The following RBFOX1 variants were observed in gnomAD, a reference collection of about 807,000 sequenced individuals.
RBFOX1 encodes the protein RNA binding fox-1 homolog 1.
Under a neutral mutation model 57.7 loss-of-function variants are expected in RBFOX1, and 8 were observed. The observed-to-expected ratio is 0.14, with a 90% confidence interval of 0.08 to 0.25. RBFOX1 has a LOEUF of 0.25. RBFOX1 is among the 10% of genes least tolerant of loss of function. The pLI is 1.00. For missense variants in RBFOX1, 611 were observed against 548.5 expected (o/e 1.11, Z -1.14); for synonymous variants, 326 against 222.4 (o/e 1.47, Z -4.15).
intron 4 of RBFOX1, among the ~76,000 whole-genome samples, chr16:5,875,517 A>C (rs562812591): frequency 3.9e-5 from 6 of 152,360 alleles, no homozygotes; most frequent in Non-Finnish European, 4.4e-5. Context: ...GGCATACTGT[A>C]GCTTACAGAA....
chr16:6,657,824 T>TTTTTATTTTATTTTA (rs113616956), intron 3 of RBFOX1, among the ~76,000 whole-genome samples: 1 of 151,928 alleles, frequency 6.6e-6, no homozygotes, highest in African/African-American at 2.4e-5. Flanking sequence ...TTTAAAGCTC[T>TTTTTATTTTATTTTA]TTTTATTTTA....
At chr16:7,568,904 A>AAG (rs1487406453) in intron 5 of RBFOX1, among the ~76,000 whole-genome samples, 1 of 151,228 alleles carries the variant, frequency 6.6e-6, no homozygotes, top group East Asian at 1.9e-4. Flanking sequence ...AAAAAAAAAA[A>AAG]AAGAATCACT....
intron 4 of RBFOX1, among the ~76,000 whole-genome samples, chr16:5,997,212 G>T (rs1249515200): frequency 6.6e-6 from 1 of 152,136 alleles, no homozygotes; most frequent in Non-Finnish European, 1.5e-5. Context: ...CATAGCTGTT[G>T]TTGGTCCAGG....
chr16:7,637,214 A>C (rs1410589035), intron 11 of RBFOX1, among the ~76,000 whole-genome samples: 1 of 151,982 alleles, frequency 6.6e-6, no homozygotes, highest in East Asian at 1.9e-4. Context: ...TCCTAAAGTT[A>C]ATAGAAGATT....
At chr16:6,215,049 G>A (rs546546636) in intron 1 of RBFOX1, among the ~76,000 whole-genome samples, 2 of 129,222 alleles carry the variant, frequency 1.5e-5, no homozygotes, top group East Asian at 2.8e-4. Context: ...GGAGAGGGGA[G>A]AAGGAGAGGG....
At chr16:6,011,496 T>G (rs1410504862) in intron 4 of RBFOX1, among the ~76,000 whole-genome samples, 3 of 152,196 alleles carry the variant, frequency 2.0e-5, no homozygotes, top group African/African-American at 7.2e-5. Context: ...ATTTACTTAT[T>G]TTCCTCTGAG....
intron 3 of RBFOX1, among the ~76,000 whole-genome samples, chr16:6,937,702 T>C (rs1417257560): frequency 6.6e-6 from 1 of 151,870 alleles, no homozygotes; most frequent in East Asian, 1.9e-4. Flanking sequence ...GTTAAAAGAG[T>C]TATTATCGAT....
At chr16:6,719,923 T>C (rs2065632445) in intron 3 of RBFOX1, among the ~76,000 whole-genome samples, 1 of 151,626 alleles carries the variant, frequency 6.6e-6, no homozygotes. Context: ...TGAAAACCCA[T>C]CTCTACTAAA....
At chr16:6,200,826 A>C (rs751193677) in intron 1 of RBFOX1, among the ~76,000 whole-genome samples, 1 of 152,084 alleles carries the variant, frequency 6.6e-6, no homozygotes, top group Non-Finnish European at 1.5e-5. Context: ...ACTCAGGAAC[A>C]CATGCTGTGA....
intron 4 of RBFOX1, among the ~76,000 whole-genome samples, chr16:7,168,550 A>G (rs2080042365): frequency 6.6e-6 from 1 of 152,018 alleles, no homozygotes. Context: ...TTGCAGAAAA[A>G]TGGCCACACA....
At chr16:6,035,386 G>A (rs1377534246) in intron 1 of RBFOX1, among the ~76,000 whole-genome samples, 1 of 152,196 alleles carries the variant, frequency 6.6e-6, no homozygotes, top group Non-Finnish European at 1.5e-5. Flanking sequence ...GCCAGTCTAG[G>A]AAGAAACAAG....
At position 7,003,458 on chromosome 16, in the gene RBFOX1, TA is replaced by T. The variant is rs71147633; in HGVS notation, c.-15-48586del. Among the ~76,000 whole-genome samples the T allele has an allele frequency of 8.9e-4, 128 of 143,508 alleles. 1 individual carries two copies. The highest frequency in any genetic ancestry group is 1.7e-3 in the African/African-American group (67 of 38,798). The allele number at this position is 143,508 out of a possible 152,430, so 94.1% of individuals were successfully genotyped here. Reference sequence around the variant, plus strand: ...CTGGTGACAGAGCGAGACTCCATCTTAAAAAAAAAAAAAGAAAAAATTATAA... The same window carrying T: ...CTGGTGACAGAGCGAGACTCCATCTTAAAAAAAAAAAAGAAAAAATTATAA... On this transcript the variant is annotated intron_variant, in intron 3 of 15. Coordinates refer to ENST00000550418, the MANE Select transcript of RBFOX1 (RefSeq NM_018723.4).
chr16:7,451,408 G>A (rs1598740955), intron 4 of RBFOX1, among the ~76,000 whole-genome samples: 1 of 152,182 alleles, frequency 6.6e-6, no homozygotes, highest in Non-Finnish European at 1.5e-5. Flanking sequence ...CAACCTGGCA[G>A]GTTGAGGCAA....
At chr16:6,064,633 C>A (rs112058264) in intron 1 of RBFOX1, among the ~76,000 whole-genome samples, 1 of 151,964 alleles carries the variant, frequency 6.6e-6, no homozygotes, top group Non-Finnish European at 1.5e-5. Flanking sequence ...CTCCGCCTCC[C>A]GGGTTCCAGT....
At chr16:7,567,175 C>CCCTATATATATATATCCATATATATATT in intron 5 of RBFOX1, among the ~76,000 whole-genome samples, 1 of 146,604 alleles carries the variant, frequency 6.8e-6, no homozygotes, top group Middle Eastern at 3.8e-3. Context: ...ATATATATAT[C>CCCTATATATATATATCCATATATATATT]CCTATATAAA....
intron 5 of RBFOX1, among the ~76,000 whole-genome samples, chr16:7,523,966 G>C (rs1238128577): frequency 6.6e-6 from 1 of 152,146 alleles, no homozygotes; most frequent in African/African-American, 2.4e-5. Context: ...AAGTGGGTCA[G>C]AACTATGGTT....
intron 5 of RBFOX1, among the ~76,000 whole-genome samples, chr16:7,578,131 C>T (rs745975209): frequency 1.3e-5 from 2 of 152,098 alleles, no homozygotes; most frequent in East Asian, 1.9e-4. Flanking sequence ...AAAAAACTTG[C>T]CATCATTCTA....
chr16:6,531,138 G>A (rs943329956), intron 2 of RBFOX1, among the ~76,000 whole-genome samples: 1 of 152,184 alleles, frequency 6.6e-6, no homozygotes, highest in Non-Finnish European at 1.5e-5. Flanking sequence ...CCAGTAGTAG[G>A]ATCCAGGTTG....
chr16:7,616,160 C>T lies in RBFOX1; in HGVS notation c.676+8822C>T, dbSNP rs182586658. Among the ~76,000 whole-genome samples, 5 of 152,248 alleles carry T rather than the reference C, an allele frequency of 3.3e-5. No homozygotes were observed. In the East Asian group the frequency reaches 9.7e-4, roughly 29 times the overall value. On this transcript the variant is annotated intron_variant, in intron 10 of 15. Coordinates refer to ENST00000550418, the MANE Select transcript of RBFOX1 (RefSeq NM_018723.4). ...TGATTGATTAGAAGGACTCAGAGTT[C>T]AAAAAGGCTGTTACACTCACAGTTA...
Sources: gnomAD v4.1 joint callset for allele counts (sites outside exome capture counted in the v4.1 genomes callset) on GRCh38, gnomAD v4.1.1 for gene constraint, MANE v1.5 for transcripts, NCBI Gene and HGNC (gene_info 2026-07-23, HGNC 2026-07-21) for gene names.